Variants in TEX11 observed in about 807,000 individuals in gnomAD.
TEX11 encodes testis expressed 11, also known as testis-expressed protein 11.
Under a neutral mutation model 84.4 loss-of-function variants are expected in TEX11, and 7 were observed. The observed-to-expected ratio is 0.08, with a 90% CI of 0.05 to 0.16. The LOEUF (loss-of-function observed/expected upper bound fraction) is 0.16. TEX11 is among the 10% of genes least tolerant of loss of function. The probability of loss-of-function intolerance (pLI) is 1.00; values close to 1 mark genes in which losing one functional copy is unlikely to be tolerated. For missense variants in TEX11, 551 were observed against 660.5 expected, an observed-to-expected ratio of 0.83 and a Z score of 1.82; for synonymous variants, 264 against 222.8, an observed-to-expected ratio of 1.18 and a Z score of -1.64.
At chrX:70,593,642 AT>A (rs1377251964) in intron 24 of TEX11, among the ~76,000 whole-genome samples, 1 of 112,249 alleles carries the variant, frequency 8.9e-6, no homozygotes, top group Admixed American at 9.5e-5. Context: ...GAAAGAAGGT[AT>A]GATAAAAATG....
chrX:70,781,491 T>G (rs1280740795), intron 9 of TEX11, among the ~76,000 whole-genome samples: 3 of 111,925 alleles, frequency 2.7e-5, no homozygotes, highest in African/African-American at 9.7e-5. Flanking sequence ...GAATTAGGCT[T>G]CAGAAGGTCA....
chrX:70,577,657 G>A (rs959708756), intron 25 of TEX11, among the ~76,000 whole-genome samples: 6 of 110,762 alleles, frequency 5.4e-5, no homozygotes, highest in Admixed American at 2.9e-4. Context: ...ACATCTTCTC[G>A]GTTTCCTCAT....
intron 16 of TEX11, among the ~76,000 whole-genome samples, chrX:70,661,402 C>A (rs915661482): frequency 8.9e-6 from 1 of 112,446 alleles, no homozygotes; most frequent in African/African-American, 3.2e-5. Flanking sequence ...TGGAGCCCAC[C>A]GCAGCTCAAG....
At chrX:70,525,577 A>G (rs1186196268), downstream of TEX11, among the ~76,000 whole-genome samples, 1 of 94,794 alleles carries the variant, frequency 1.1e-5, no homozygotes, top group Admixed American at 1.1e-4. Context: ...ACAGAGCAGG[A>G]CCCTATCTCA....
rs751153839 is a variant in TEX11, at chrX:70,873,254, A to T, written c.213T>A (p.Gly71=). 1 of 1,199,844 alleles carries T rather than the reference A, an allele frequency of 8.3e-7. No homozygotes were observed. The highest frequency in any genetic ancestry group is 1.1e-6 in the Non-Finnish European group (1 of 885,084). ...TTTTCTGCTCTTCATTTACAAGCCA[A>T]CCTCCTCCTATGGTAAGTGCCCAGT... The part of the protein sequence containing the change: ...LWNWALTIGG[G]WLVNEEQKIR... Residue 71 remains glycine, a synonymous_variant, in exon 4 of 30, where the codon GGT becomes GGA. Transcript: ENST00000374333.
intron 8 of TEX11, among the ~76,000 whole-genome samples, chrX:70,817,640 T>A (rs760101457): frequency 9.0e-6 from 1 of 110,515 alleles, no homozygotes; most frequent in East Asian, 2.9e-4. Context: ...GCCAAGATCA[T>A]GCCGCTGCAC....
intron 4 of TEX11, among the ~76,000 whole-genome samples, chrX:70,869,685 G>T (rs2091620107): frequency 9.0e-6 from 1 of 110,994 alleles, no homozygotes; most frequent in Non-Finnish European, 1.9e-5. Flanking sequence ...GCTGAGGTAG[G>T]AGGTTGACCT....
intron 25 of TEX11, among the ~76,000 whole-genome samples, chrX:70,563,465 T>C (rs5936922): frequency 4.5e-5 from 5 of 110,925 alleles, no homozygotes; most frequent in Non-Finnish European, 9.4e-5. Context: ...AAAAAGAACA[T>C]ATTGTCTTTA....
chrX:70,812,989 C>T (rs1254517994), intron 8 of TEX11, among the ~76,000 whole-genome samples: 3 of 111,178 alleles, frequency 2.7e-5, no homozygotes, highest in Non-Finnish European at 5.7e-5. Context: ...CAGGACCAGA[C>T]GGAGTCACAG....
rs933328371 is a variant in TEX11, at chrX:70,683,102, G to T, written c.1005-277C>A. ...ATTTATGTTTTTCCCAGAACTGATTGCAAGCTTTAAAAATTGGTTACCGAG... is the reference window on the plus strand; with the variant it reads ...ATTTATGTTTTTCCCAGAACTGATTTCAAGCTTTAAAAATTGGTTACCGAG... On this transcript the variant is annotated intron_variant, in intron 13 of 29. Coordinates refer to ENST00000374333, the MANE Select transcript of TEX11 (RefSeq NM_031276.3). Among the ~76,000 whole-genome samples, 3 of 110,758 alleles carry T rather than the reference G, an allele frequency of 2.7e-5. No individual in the cohort carries two copies. In the Admixed American group the frequency reaches 2.9e-4, roughly 11 times the overall value.
At chrX:70,733,619 C>G (rs1397201971) in intron 11 of TEX11, among the ~76,000 whole-genome samples, 2 of 111,646 alleles carry the variant, frequency 1.8e-5, no homozygotes, top group Non-Finnish European at 3.8e-5. Flanking sequence ...CATCTCACAC[C>G]AGTTAGAATG....
rs775215935 is a variant in TEX11 at position 70,780,007 on chromosome X, C to T, written c.692+26698G>A. ...TTTGGCCAGGCACAGTGGCTCATGC[C>T]TGTAATCCCAGCACCTTGGGAGGCC... is the stretch of plus-strand genomic sequence containing the variant. On this transcript the variant is annotated intron_variant, in intron 9 of 29. Transcript: ENST00000374333. 1.4e-4 allele frequency among the ~76,000 whole-genome samples: 16 copies of T among 111,882 alleles called. No individual in the cohort carries two copies. The South Asian group carries it at 6.1e-3, about 42-fold the overall frequency.
intron 9 of TEX11, among the ~76,000 whole-genome samples, chrX:70,797,914 A>C (rs1569444099): frequency 1.1e-5 from 1 of 94,524 alleles, no homozygotes; most frequent in African/African-American, 3.9e-5. Context: ...GATGGTAAAA[A>C]GGTTAAAACA....
At chrX:70,747,933 C>A (rs2090779982) in intron 9 of TEX11, among the ~76,000 whole-genome samples, 1 of 109,846 alleles carries the variant, frequency 9.1e-6, no homozygotes, top group Non-Finnish European at 1.9e-5. Context: ...AATGGAAATT[C>A]TGGAGTTGAA....
intron 25 of TEX11, among the ~76,000 whole-genome samples, chrX:70,581,544 C>T (rs1378021777): frequency 2.7e-5 from 3 of 110,495 alleles, no homozygotes; most frequent in African/African-American, 9.9e-5. Flanking sequence ...GTGATCCACC[C>T]ACCTCGGCCT....
chrX:70,602,876 A>G (rs1244570688), intron 24 of TEX11, among the ~76,000 whole-genome samples: 2 of 73,080 alleles, frequency 2.7e-5, no homozygotes, highest in African/African-American at 5.2e-5. Context: ...AAATCAATGT[A>G]CAAAAATCAG....
At chrX:70,634,712 CAAAA>C (rs200844454) in intron 17 of TEX11, among the ~76,000 whole-genome samples, 1 of 66,098 alleles carries the variant, frequency 1.5e-5, no homozygotes, top group Non-Finnish European at 3.2e-5. Context: ...TAGTCATGTG[CAAAA>C]AAAAAAAAAA....
At chrX:70,595,112 G>A (rs998650593) in intron 24 of TEX11, among the ~76,000 whole-genome samples, 6 of 110,904 alleles carry the variant, frequency 5.4e-5, no homozygotes, top group African/African-American at 1.3e-4. Flanking sequence ...ACAGAGTTTC[G>A]CTCTTGTTGC....
chrX:70,740,643 T>C, intron 11 of TEX11, 58 bp downstream of exon 11: 1 of 844,416 alleles, frequency 1.2e-6, no homozygotes, highest in African/African-American at 2.0e-5. Context: ...GATTTCAAAA[T>C]GTGATCAAGA....
Sources: gnomAD v4.1 joint callset for allele counts (sites outside exome capture counted in the v4.1 genomes callset) on GRCh38, gnomAD v4.1.1 for gene constraint, MANE v1.5 for transcripts, NCBI Gene and HGNC (gene_info 2026-07-23, HGNC 2026-07-21) for gene names.